Variants in MAOA observed in about 807,000 individuals in gnomAD.
MAOA encodes monoamine oxidase A.
A neutral mutation model predicts 42.0 loss-of-function variants in MAOA; 6 were observed. The ratio of observed to expected loss-of-function variants is 0.14; its 90% CI spans 0.08 to 0.28. MAOA has a LOEUF of 0.28. Among genes scored for constraint, MAOA ranks in the 10% least tolerant of loss-of-function variants. The pLI is 1.00. For synonymous variants in MAOA, 140 were observed against 154.0 expected (o/e 0.91, Z 0.67); for missense variants, 262 against 422.3 (o/e 0.62, Z 3.33).
chrX:43,696,100 A>G (rs1172351691), intron 3 of MAOA, among the ~76,000 whole-genome samples: 1 of 111,976 alleles, frequency 8.9e-6, no homozygotes, highest in Non-Finnish European at 1.9e-5. Flanking sequence ...GGATGAACTA[A>G]TGGAAAGACT....
rs138106811 is a variant in MAOA at position 43,685,565 on chromosome X, G to T, written c.168+1958G>T. ...GTACCATGCTACCCTTCTGTCATTT[G>T]CTTCCTACCTTTTTAGATACAGGGA... On this transcript the variant is annotated intron_variant, in intron 2 of 14. Transcript: ENST00000338702. Among the ~76,000 whole-genome samples the T allele has an allele frequency of 4.6e-4, 51 of 111,839 alleles. No homozygotes were observed. The East Asian group carries it at 0.013, about 28-fold the overall frequency.
chrX:43,691,199 C>T (rs1174170044), intron 2 of MAOA, among the ~76,000 whole-genome samples: 1 of 109,788 alleles, frequency 9.1e-6, no homozygotes, highest in Non-Finnish European at 1.9e-5. Flanking sequence ...CCTGAGCAAC[C>T]CTAACCCTAC....
intron 1 of MAOA, among the ~76,000 whole-genome samples, chrX:43,664,352 A>T (rs1237149411): frequency 8.9e-6 from 1 of 111,873 alleles, no homozygotes; most frequent in Non-Finnish European, 1.9e-5. Context: ...TATTTAAAGT[A>T]TCATTAGCCC....
intron 2 of MAOA, among the ~76,000 whole-genome samples, chrX:43,690,037 G>A (rs189817036): frequency 2.0e-3 from 215 of 109,587 alleles, no homozygotes; most frequent in African/African-American, 6.7e-3. Flanking sequence ...TTGCTTTTAG[G>A]AGCTCTTTTC....
intron 5 of MAOA, among the ~76,000 whole-genome samples, chrX:43,717,321 G>A (rs2033752157): frequency 9.0e-6 from 1 of 111,465 alleles, no homozygotes; most frequent in African/African-American, 3.3e-5. Context: ...TTCCAGAAAT[G>A]AGTCACACTG....
intron 3 of MAOA, among the ~76,000 whole-genome samples, chrX:43,707,256 A>G (rs1200224185): frequency 2.7e-5 from 3 of 111,498 alleles, no homozygotes; most frequent in Non-Finnish European, 3.8e-5. Flanking sequence ...AACTAGCACT[A>G]TCTGATGGGG....
At position 43,744,841 on chromosome X, in the gene MAOA, A is replaced by G. The variant is rs372972345; in HGVS notation, c.*328A>G. The G allele has an allele frequency of 1.2e-4, 36 of 288,973 alleles. No individual in the cohort carries two copies. In the East Asian group the frequency reaches 2.4e-3, roughly 19 times the overall value. 23.8% of individuals were successfully genotyped at this position (288,973 alleles called of 1,213,427 possible). On this transcript the variant is annotated 3_prime_UTR_variant, in exon 15 of 15. Coordinates refer to ENST00000338702, the MANE Select transcript of MAOA (RefSeq NM_000240.4). ...CTGTGTCCTGTTTTTATTCCCTTCAATGCAAAATACATGATGATTTCAGAA... is the reference window on the plus strand; with the variant it reads ...CTGTGTCCTGTTTTTATTCCCTTCAGTGCAAAATACATGATGATTTCAGAA...
At chrX:43,729,672 C>G (rs1001311732) in intron 6 of MAOA, among the ~76,000 whole-genome samples, 3 of 111,110 alleles carry the variant, frequency 2.7e-5, no homozygotes, top group African/African-American at 9.8e-5. Flanking sequence ...GAGACAGAGT[C>G]TTGCTTTGTT....
At chrX:43,686,734 G>A (rs1197876656) in intron 2 of MAOA, among the ~76,000 whole-genome samples, 2 of 111,411 alleles carry the variant, frequency 1.8e-5, no homozygotes, top group East Asian at 5.6e-4. Flanking sequence ...GAAAGGCAGG[G>A]GTTGCGGTGA....
chrX:43,721,709 C>CT (rs1403779988), intron 5 of MAOA, among the ~76,000 whole-genome samples: 8 of 107,898 alleles, frequency 7.4e-5, no homozygotes, highest in African/African-American at 2.7e-4. Context: ...TTTAATTATA[C>CT]TTTAAGTGCT....
At chrX:43,726,504 G>T (rs1419642817) in intron 5 of MAOA, among the ~76,000 whole-genome samples, 1 of 111,947 alleles carries the variant, frequency 8.9e-6, no homozygotes, top group Non-Finnish European at 1.9e-5. Context: ...AGTTCTTGTG[G>T]TGCATTTTTC....
At chrX:43,730,474 T>C (rs2033871944) in intron 6 of MAOA, among the ~76,000 whole-genome samples, 1 of 107,499 alleles carries the variant, frequency 9.3e-6, no homozygotes, top group Non-Finnish European at 1.9e-5. Context: ...ACTCAAGATC[T>C]GATATTCCGA....
intron 11 of MAOA, 29 bp downstream of exon 11, chrX:43,740,767 C>A: frequency 1.7e-6 from 2 of 1,162,576 alleles, no homozygotes; most frequent in South Asian, 3.7e-5. Context: ...TAATCCCTAG[C>A]AGGTTCTTCT....
At chrX:43,694,300 G>A (rs1033596704) in intron 3 of MAOA, among the ~76,000 whole-genome samples, 3 of 111,485 alleles carry the variant, frequency 2.7e-5, no homozygotes, top group Non-Finnish European at 3.8e-5. Context: ...CTGTGGGTCC[G>A]GAGGCTACAG....
intron 12 of MAOA, among the ~76,000 whole-genome samples, chrX:43,743,466 G>T (rs1240176345): frequency 9.1e-6 from 1 of 110,490 alleles, no homozygotes; most frequent in African/African-American, 3.3e-5. Flanking sequence ...GAGAAGAATG[G>T]ACTGCCAACA....
chrX:43,663,017 A>G (rs2033247754), intron 1 of MAOA, among the ~76,000 whole-genome samples: 1 of 111,523 alleles, frequency 9.0e-6, no homozygotes, highest in Admixed American at 9.6e-5. Flanking sequence ...GTATTAGGGA[A>G]ATTTAAAGTC....
intron 3 of MAOA, among the ~76,000 whole-genome samples, chrX:43,704,842 GA>G (rs1050134236): frequency 6.3e-5 from 7 of 110,895 alleles, no homozygotes; most frequent in Admixed American, 3.8e-4. Flanking sequence ...ATGAAATTAA[GA>G]AAACAACTTC....
At chrX:43,695,057 T>C (rs1434618211) in intron 3 of MAOA, among the ~76,000 whole-genome samples, 3 of 112,128 alleles carry the variant, frequency 2.7e-5, no homozygotes, top group Non-Finnish European at 5.6e-5. Flanking sequence ...TCAAAGAGGT[T>C]AAAGTGACTT....
At chrX:43,659,428 A>G (rs1041050332) in intron 1 of MAOA, among the ~76,000 whole-genome samples, 4 of 111,181 alleles carry the variant, frequency 3.6e-5, no homozygotes, top group Non-Finnish European at 7.5e-5. Context: ...CAGCGATGCT[A>G]TTGGATCCTG....
Sources: allele counts gnomAD v4.1 joint callset (sites outside exome capture counted in the v4.1 genomes callset), GRCh38; gene constraint gnomAD v4.1.1; transcripts MANE v1.5; gene names NCBI Gene and HGNC (gene_info 2026-07-23, HGNC 2026-07-21).